EIF4G1: variants seen among roughly 807,000 people sequenced by gnomAD.
EIF4G1 encodes EIF4-gamma.
A neutral mutation model predicts 187.8 loss-of-function variants in EIF4G1; 4 were observed. The observed-to-expected ratio is 0.02, with a 90% CI of 0.01 to 0.05. The LOEUF is 0.05. EIF4G1 is among the 10% of genes least tolerant of loss of function. EIF4G1 has a pLI of 1.00. For missense variants in EIF4G1, 1,647 were observed against 2,081.1 expected (o/e 0.79, Z 4.06); for synonymous variants, 844 against 781.4 (o/e 1.08, Z -1.34).
chr3:184,323,113 C>T lies in EIF4G1; in HGVS notation c.1960C>T (p.Pro654Ser). Residue 654 changes from proline to serine, a missense_variant, in exon 14 of 33, where the codon CCC (proline) becomes TCC (serine). Physicochemically the swap from Pro to Ser is moderately conservative, Grantham distance 74 (BLOSUM62 -1). This residue lies in a region of EIF4G1 where 140 missense variants were observed against 222.2 expected (regional missense o/e 0.63). Transcript: ENST00000346169. This position sits in a 1 kb window ranked among gnomAD's most constrained non-coding sequence, Gnocchi z 6.9. ...ANKTPLRPLD[P>S]TRLQGINCGP... ...TAAAACACCACTGCGGCCACTGGAT[C>T]CCACTAGACTACAAGGCATAAATTG... 4 of 1,614,202 alleles carry T rather than the reference C, an allele frequency of 2.5e-6. No homozygotes were observed. The highest frequency in any genetic ancestry group is 3.4e-6 in the Non-Finnish European group (4 of 1,180,038).
rs931096253 is a variant in EIF4G1 at position 184,335,106 on chromosome 3, C to T, written c.*198C>T. The T allele has an allele frequency of 1.1e-5, 7 of 649,750 alleles. No individual in the cohort carries two copies. Among genetic ancestry groups the T allele is most frequent in the Non-Finnish European group, 1.9e-5 (7 of 374,970 alleles). The allele number at this position is 649,750 out of a possible 1,614,324, so 40.2% of individuals were successfully genotyped here. ...CCCTCCAGGATGCCGCCAGGTGTCC[C>T]TCTCCTCCCCCTGGGGCACAGAGAT... On this transcript the variant is annotated 3_prime_UTR_variant, in exon 33 of 33. Coordinates refer to ENST00000346169, the MANE Select transcript of EIF4G1 (RefSeq NM_198241.3).
In EIF4G1 at chr3:184,325,915, C is replaced by T. The variant is rs1724795106; in HGVS notation, c.3186C>T (p.Arg1062=). ...CAGTTCCCATCAGCAAAGGTAGCCG[C>T]CCCATTGACACCTCACGACTCACCA... The part of the protein sequence containing the change: ...WNTVPISKGS[R]PIDTSRLTKI... The change falls in exon 21 of 33, where the codon CGC becomes CGT. Residue 1062 remains arginine, a synonymous_variant. Coordinates refer to ENST00000346169, the MANE Select transcript of EIF4G1 (RefSeq NM_198241.3). This position sits in a 1 kb window ranked among gnomAD's most constrained non-coding sequence, Gnocchi z 5.2. The T allele has an allele frequency of 6.2e-7, 1 of 1,613,998 alleles. No homozygotes were observed. The highest frequency in any genetic ancestry group is 1.3e-5 in the African/African-American group (1 of 74,900).
At position 184,323,341 on chromosome 3, in the gene EIF4G1, G is replaced by T. The variant is rs1724239146; in HGVS notation, c.2089-67G>T. The T allele has an allele frequency of 6.2e-6, 10 of 1,612,346 alleles. No individual in the cohort carries two copies. The highest frequency in any genetic ancestry group is 8.5e-6 in the Non-Finnish European group (10 of 1,178,822). ...GAGGGGTTTGCCCTGGAGGCGTGTA[G>T]TAGTGGTGTCACATATTGTGCTGAC... On this transcript the variant is annotated intron_variant, in intron 14 of 32. Transcript: ENST00000346169. The surrounding 1 kb of genome is among the most constrained non-coding windows in gnomAD (Gnocchi z 6.9).
At chr3:184,333,100 GAGATACTTA>G (rs1203941859) in intron 32 of EIF4G1, among the ~76,000 whole-genome samples, 1 of 152,208 alleles carries the variant, frequency 6.6e-6, no homozygotes, top group Non-Finnish European at 1.5e-5. Flanking sequence ...GGCAGATCAA[GAGATACTTA>G]GGAAATGGAG....
Position 184,327,396 on chromosome 3 carries a change from G to A in EIF4G1, c.3609G>A (p.Gly1203=). ...GAGAACGGCCCTCCCAGCCTGAGGG[G>A]CTGCGCAAGGCAGCTAGCCTCACGG... ...RSRERPSQPE[G]LRKAASLTED... Residue 1203 remains glycine (G), a synonymous_variant, in exon 24 of 33, where the codon GGG becomes GGA. Coordinates refer to ENST00000346169, the MANE Select transcript of EIF4G1 (RefSeq NM_198241.3). 6.2e-7 allele frequency: 1 copy of A among 1,613,634 alleles called. No homozygotes were observed. The highest frequency in any genetic ancestry group is 8.5e-7 in the Non-Finnish European group (1 of 1,180,022).
At chr3:184,319,106 C>T (rs55748802) in intron 6 of EIF4G1, 60,722 of 151,790 alleles carry the variant, frequency 0.4, 12,668 homozygotes, top group Non-Finnish European at 0.47. Flanking sequence ...GAAAAAAGAA[C>T]TCACCCACTT....
Position 184,324,932 on chromosome 3 carries a change from CG to C in EIF4G1, c.2676del (p.Arg893GlyfsTer4). 6.2e-7 allele frequency: 1 copy of C among 1,614,208 alleles called. No individual in the cohort carries two copies. Among genetic ancestry groups the C allele is most frequent in the Non-Finnish European group, 8.5e-7 (1 of 1,180,046 alleles). ...GCTGGAAGAGGCTCGGGACATAGCC[CG>C]GCGGCGCTCTTTAGGGAATATCAAG... The part of the protein sequence containing the change: ...EELEEARDIA[R>X]RRSLGNIKFI... On this transcript the variant is annotated frameshift_variant, in exon 18 of 33. Transcript: ENST00000346169. LOFTEE classifies it high-confidence loss of function.
rs1198022163 is a variant in EIF4G1, at chr3:184,325,262, T to G, written c.2857-7T>G. On this transcript the variant is annotated splice_polypyrimidine_tract_variant and splice_region_variant and intron_variant, in intron 18 of 32. Transcript: ENST00000346169. This position sits in a 1 kb window ranked among gnomAD's most constrained non-coding sequence, Gnocchi z 5.2. The stretch of plus-strand genomic sequence containing the variant: ...AGTTCCTGGTCTGATGCCTTTCTCC[T>G]TCCTAGCCCCGAATGGATCAGTATT... The G allele has an allele frequency of 4.3e-6, 7 of 1,614,122 alleles. No individual in the cohort carries two copies. In the Admixed American group the frequency reaches 1.0e-4, roughly 23 times the overall value.
At chr3:184,314,950 C>T (rs1168104717) in intron 1 of EIF4G1, among the ~76,000 whole-genome samples, 8 of 151,370 alleles carry the variant, frequency 5.3e-5, no homozygotes, top group Non-Finnish European at 8.9e-5. Context: ...CGAAATGCCA[C>T]CTCGGCCTGA....
Position 184,322,690 on chromosome 3 carries a change from G to A in EIF4G1, c.1755G>A (p.Glu585=). 6.2e-7 allele frequency: 1 copy of A among 1,614,226 alleles called. No individual in the cohort carries two copies. Among genetic ancestry groups the A allele is most frequent in the Middle Eastern group, 1.6e-4 (1 of 6,062 alleles). ...AGGAAGACAAAATTCACAATGCTGA[G>A]AACATCCAGCCCGGGGAACAGAAGT... ...DSKEDKIHNA[E]NIQPGEQKYE... The change falls in exon 12 of 33, where the codon GAG becomes GAA. Residue 585 remains glutamate, a synonymous_variant. Coordinates refer to ENST00000346169, the MANE Select transcript of EIF4G1 (RefSeq NM_198241.3).
rs149243787 is a variant in EIF4G1, at chr3:184,334,749, C to T, written c.4641C>T (p.Asp1547=). 140 of 1,614,184 alleles carry T rather than the reference C, an allele frequency of 8.7e-5. 1 individual carries two copies. Among genetic ancestry groups the T allele is most frequent in the Non-Finnish European group, 1.1e-4 (129 of 1,180,034 alleles). Reference sequence around the variant, plus strand: ...CAGACCTGCTGCGGATGTTCTTTGACGCACTGTATGACGAGGACGTGGTGA... The same window carrying T: ...CAGACCTGCTGCGGATGTTCTTTGATGCACTGTATGACGAGGACGTGGTGA... ...QPPNLLRMFF[D]ALYDEDVVKE... The change falls in exon 33 of 33, where the codon GAC becomes GAT. Residue 1547 remains aspartate, a synonymous_variant. Transcript: ENST00000346169. The surrounding 1 kb of genome is among the most constrained non-coding windows in gnomAD (Gnocchi z 5.8).
rs1726782035 is a variant in EIF4G1 at position 184,334,560 on chromosome 3, T to G, written c.4619-167T>G. 6.6e-6 allele frequency among the ~76,000 whole-genome samples: 1 copy of G among 152,154 alleles called. No individual in the cohort carries two copies. The highest frequency in any genetic ancestry group is 2.1e-4 in the South Asian group (1 of 4,822). On this transcript the variant is annotated intron_variant, in intron 32 of 32. Transcript: ENST00000346169. The surrounding 1 kb of genome is among the most constrained non-coding windows in gnomAD (Gnocchi z 5.8). ...CTCATTGCTGTGCAGCAGTCTCAGA[T>G]CATGAGATTAGCATCCTGTCAGAGG...
In EIF4G1 at chr3:184,325,392, C is replaced by T. The variant is rs1008296092; in HGVS notation, c.2961+19C>T. On this transcript the variant is annotated intron_variant, in intron 19 of 32. Transcript: ENST00000346169. This position sits in a 1 kb window ranked among gnomAD's most constrained non-coding sequence, Gnocchi z 5.2. ...GCGAGGGGTGTGTGTCCCCCTCCTC[C>T]CCACTGCCAGCCTGCTGCCTCCAGT... 6.2e-6 allele frequency: 10 copies of T among 1,614,182 alleles called. No individual in the cohort carries two copies. Among genetic ancestry groups the T allele is most frequent in the African/African-American group, 1.3e-5 (1 of 75,038 alleles).
rs770923805 is a variant in EIF4G1, at chr3:184,320,987, C to T, written c.691C>T (p.Arg231Trp). The change falls in exon 9 of 33, where the codon CGG becomes TGG. Residue 231 changes from arginine to tryptophan, a missense_variant. Coordinates refer to ENST00000346169, the MANE Select transcript of EIF4G1 (RefSeq NM_198241.3). ...GETPQVAVIVRPDDRSQGAII... is the reference protein window; with the variant it reads ...GETPQVAVIVWPDDRSQGAII... ...GACGCCCCAGGTTGCTGTCATTGTC[C>T]GGCCAGGTAAGTAAGCCGGTGGGAC... 9 of 1,613,750 alleles carry T rather than the reference C, an allele frequency of 5.6e-6. No homozygotes were observed. Among genetic ancestry groups the T allele is most frequent in the Admixed American group, 1.7e-5 (1 of 59,988 alleles).
chr3:184,335,264 T>C lies in EIF4G1; in HGVS notation c.*356T>C, dbSNP rs1271119661. 6.6e-6 allele frequency: 2 copies of C among 302,074 alleles called. No individual in the cohort carries two copies. Among genetic ancestry groups the C allele is most frequent in the Non-Finnish European group, 1.3e-5 (2 of 155,628 alleles). 18.7% of individuals were successfully genotyped at this position (302,074 alleles called of 1,614,324 possible). A position where few individuals can be genotyped will look rare whatever the true frequency, so the allele number is the denominator to read the frequency against. On this transcript the variant is annotated 3_prime_UTR_variant, in exon 33 of 33. Transcript: ENST00000346169. ...TGCCGTCCTCGCTGCTGGGGGCATA[T>C]GCCCCAGCCCCTGTACCACCCCTGC...
At chr3:184,326,318 A>ATGCCTTTAT (rs1428697910) in intron 21 of EIF4G1, among the ~76,000 whole-genome samples, 9 of 152,374 alleles carry the variant, frequency 5.9e-5, no homozygotes, top group African/African-American at 2.2e-4. Flanking sequence ...TTATTGGAAC[A>ATGCCTTTAT]CAGTCACAGC....
chr3:184,327,347 G>A lies in EIF4G1; in HGVS notation c.3560G>A (p.Ser1187Asn), dbSNP rs1395409512. Residue 1187 changes from serine (S) to asparagine (N), a missense_variant, in exon 24 of 33, where the codon AGC becomes AAC. Around this residue, in one of 11 missense-constraint regions of EIF4G1, gnomAD observed 543 missense variants for 638.0 expected, o/e 0.85. Coordinates refer to ENST00000346169, the MANE Select transcript of EIF4G1 (RefSeq NM_198241.3). ...ACACCTGCTACCAAGCGGAGCTTCAGCAAGGAAGTGGAGGAGCGGAGTAGA... is the reference window on the plus strand; with the variant it reads ...ACACCTGCTACCAAGCGGAGCTTCAACAAGGAAGTGGAGGAGCGGAGTAGA... ...ARTPATKRSF[S>N]KEVEERSRER... The A allele has an allele frequency of 6.2e-7, 1 of 1,613,772 alleles. No individual in the cohort carries two copies. Among genetic ancestry groups the A allele is most frequent in the Non-Finnish European group, 8.5e-7 (1 of 1,180,040 alleles).
intron 1 of EIF4G1, chr3:184,315,122 C>T (rs1722500836): frequency 3.0e-6 from 1 of 334,236 alleles, no homozygotes; most frequent in South Asian, 2.2e-5. Context: ...TGGCGGCGGG[C>T]AGGGAGGAGC....
intron 28 of EIF4G1, among the ~76,000 whole-genome samples, chr3:184,330,635 A>C (rs1430345148): frequency 2.0e-5 from 3 of 151,954 alleles, no homozygotes; most frequent in African/African-American, 7.3e-5. Flanking sequence ...TGGGTTTAGG[A>C]AACAAGCATA....
Sources: allele counts gnomAD v4.1 joint callset (sites outside exome capture counted in the v4.1 genomes callset), GRCh38; gene constraint gnomAD v4.1.1; regional missense constraint gnomAD v4.1.1; non-coding constraint Gnocchi (gnomAD v3.1); transcripts MANE v1.5; gene names NCBI Gene and HGNC (gene_info 2026-07-23, HGNC 2026-07-21).